Variants in TMEM132D observed in about 807,000 individuals in gnomAD.
The protein encoded by TMEM132D is transmembrane protein 132D.
Under a neutral mutation model 62.3 loss-of-function variants are expected in TMEM132D, and 21 were observed. That is an observed-to-expected ratio of 0.34 (90% CI 0.24 to 0.49). The LOEUF is 0.49. Ranked by LOEUF, TMEM132D falls within the 20% of genes least tolerant of loss-of-function variation. The probability of loss-of-function intolerance (pLI) is 0.99; values close to 1 mark genes in which losing one functional copy is unlikely to be tolerated. For synonymous variants in TMEM132D, 621 were observed against 575.6 expected (o/e 1.08, Z -1.13); for missense variants, 1,346 against 1,402.8 (o/e 0.96, Z 0.65).
At chr12:129,540,568 C>A (rs1309804316) in intron 2 of TMEM132D, among the ~76,000 whole-genome samples, 5 of 151,954 alleles carry the variant, frequency 3.3e-5, no homozygotes, top group Non-Finnish European at 7.4e-5. Context: ...TCACTGCAAC[C>A]TCCACCTCCC....
intron 5 of TMEM132D, among the ~76,000 whole-genome samples, chr12:129,186,108 C>T (rs928866296): frequency 1.3e-5 from 2 of 152,180 alleles, no homozygotes; most frequent in African/African-American, 4.8e-5. Flanking sequence ...CATTAGGAGC[C>T]TCTGACTGTT....
intron 5 of TMEM132D, among the ~76,000 whole-genome samples, chr12:129,160,115 TTG>T (rs1237096988): frequency 6.6e-6 from 1 of 152,196 alleles, no homozygotes; most frequent in African/African-American, 2.4e-5. Flanking sequence ...TCTCAGTGGA[TTG>T]TGTTTCTGAG....
intron 2 of TMEM132D, among the ~76,000 whole-genome samples, chr12:129,662,232 T>C (rs7136655): frequency 0.051 from 7,734 of 152,302 alleles, 561 homozygotes; most frequent in African/African-American, 0.16. Flanking sequence ...GTCTTTTTCA[T>C]AGTGAAGATA....
intron 1 of TMEM132D, among the ~76,000 whole-genome samples, chr12:129,832,448 G>A (rs565737134): frequency 2.6e-5 from 4 of 151,890 alleles, no homozygotes; most frequent in South Asian, 2.1e-4. Flanking sequence ...TATTTACTAC[G>A]TAGCTCTTTA....
chr12:129,102,000 C>T (rs7297656), intron 5 of TMEM132D, among the ~76,000 whole-genome samples: 34,315 of 96,708 alleles, frequency 0.35, 4,378 homozygotes, highest in East Asian at 0.47. Context: ...TTTTTTTTTT[C>T]TCTCTCTCTC....
At chr12:129,547,234 C>A (rs111310431) in intron 2 of TMEM132D, among the ~76,000 whole-genome samples, 2 of 152,196 alleles carry the variant, frequency 1.3e-5, no homozygotes, top group Admixed American at 1.3e-4. Context: ...CTTCACGGGG[C>A]CTTCCTTTTT....
chr12:129,170,836 CTAA>C (rs1214821028), intron 5 of TMEM132D, among the ~76,000 whole-genome samples: 12 of 151,854 alleles, frequency 7.9e-5, no homozygotes, highest in African/African-American at 2.9e-4. Flanking sequence ...GATAAAAATG[CTAA>C]TGATAATCTA....
chr12:129,105,013 T>C (rs1337582061), intron 5 of TMEM132D, among the ~76,000 whole-genome samples: 1 of 145,626 alleles, frequency 6.9e-6, no homozygotes, highest in Non-Finnish European at 1.5e-5. Context: ...GAACTGGAAA[T>C]ACTATTTGAC....
intron 2 of TMEM132D, among the ~76,000 whole-genome samples, chr12:129,688,906 C>A (rs929499321): frequency 6.6e-6 from 1 of 152,090 alleles, no homozygotes; most frequent in East Asian, 1.9e-4. Flanking sequence ...ATATTTTCTC[C>A]CACAACCATA....
In TMEM132D at chr12:129,780,343, G is replaced by A. The variant is rs879363515; in HGVS notation, c.80-79645C>T. ...TTGTAGAATTTGTTGGTGGGGAGGG[G>A]GGGGGCCGGGGGGGCACAAAATGTT... On this transcript the variant is annotated intron_variant, in intron 1 of 8. Coordinates refer to ENST00000422113, the MANE Select transcript of TMEM132D (RefSeq NM_133448.3). Among the ~76,000 whole-genome samples, 1,119 of 148,308 alleles carry A rather than the reference G, an allele frequency of 7.5e-3. 30 individuals carry two copies. The highest frequency in any genetic ancestry group is 0.047 in the Admixed American group (689 of 14,510).
At chr12:129,102,292 T>TCA (rs1875335388) in intron 5 of TMEM132D, among the ~76,000 whole-genome samples, 1 of 152,124 alleles carries the variant, frequency 6.6e-6, no homozygotes, top group African/African-American at 2.4e-5. Flanking sequence ...TTACCTTTAA[T>TCA]CACACACATA....
At position 129,366,141 on chromosome 12, in the gene TMEM132D, A is replaced by G. The variant is rs193232914; in HGVS notation, c.1116-28324T>C. Among the ~76,000 whole-genome samples, 374 of 152,336 alleles carry G rather than the reference A, an allele frequency of 2.5e-3. 2 individuals are homozygous for G. The highest frequency in any genetic ancestry group is 8.5e-3 in the African/African-American group (354 of 41,574). On this transcript the variant is annotated intron_variant, in intron 3 of 8. Coordinates refer to ENST00000422113, the MANE Select transcript of TMEM132D (RefSeq NM_133448.3). ...TAAAAAAAACACTCACCCGGATATT[A>G]TCATATCATCTTGTATATTTTGTTT...
chr12:129,108,972 C>G (rs1287738464), intron 5 of TMEM132D, among the ~76,000 whole-genome samples: 4 of 152,214 alleles, frequency 2.6e-5, no homozygotes, highest in Non-Finnish European at 5.9e-5. Flanking sequence ...CTGTTTACCC[C>G]TCGATGCTCT....
intron 1 of TMEM132D, among the ~76,000 whole-genome samples, chr12:129,740,354 A>G (rs974056632): frequency 2.0e-4 from 31 of 152,182 alleles, no homozygotes; most frequent in Admixed American, 1.9e-3. Flanking sequence ...TTCAACAAAC[A>G]TTCATGCTTT....
At chr12:129,248,352 T>C (rs1880178392) in intron 4 of TMEM132D, among the ~76,000 whole-genome samples, 1 of 152,194 alleles carries the variant, frequency 6.6e-6, no homozygotes, top group South Asian at 2.1e-4. Flanking sequence ...AATAGGGATG[T>C]CATTCTTCCT....
chr12:129,717,372 G>A (rs1868625680), intron 1 of TMEM132D, among the ~76,000 whole-genome samples: 1 of 152,068 alleles, frequency 6.6e-6, no homozygotes, highest in Admixed American at 6.5e-5. Flanking sequence ...ACACAGAAAT[G>A]ACATTCCAAG....
At chr12:129,774,914 G>C (rs1484639332) in intron 1 of TMEM132D, among the ~76,000 whole-genome samples, 2 of 152,194 alleles carry the variant, frequency 1.3e-5, no homozygotes, top group African/African-American at 2.4e-5. Flanking sequence ...GCTGCAAAAT[G>C]GAGATGATGA....
chr12:129,712,005 T>C (rs1868388645), intron 1 of TMEM132D, among the ~76,000 whole-genome samples: 1 of 151,878 alleles, frequency 6.6e-6, no homozygotes, highest in East Asian at 1.9e-4. Flanking sequence ...TCTGGGAAAG[T>C]CTCCAGTACA....
At chr12:129,234,339 T>G (rs1879725646) in intron 4 of TMEM132D, among the ~76,000 whole-genome samples, 1 of 152,180 alleles carries the variant, frequency 6.6e-6, no homozygotes, top group African/African-American at 2.4e-5. Flanking sequence ...TGTAATAAAA[T>G]TCTTAGAATT....
Sources: gnomAD v4.1 joint callset for allele counts (sites outside exome capture counted in the v4.1 genomes callset) on GRCh38, gnomAD v4.1.1 for gene constraint, MANE v1.5 for transcripts, NCBI Gene and HGNC (gene_info 2026-07-23, HGNC 2026-07-21) for gene names.